The following EPHA6 variants were observed in gnomAD, a reference collection of about 807,000 sequenced individuals.
EPHA6 encodes the protein ephrin type-A receptor 6.
A neutral mutation model predicts 112.0 loss-of-function variants in EPHA6; 50 were observed. The observed-to-expected ratio is 0.45, with a 90% CI of 0.36 to 0.56. The LOEUF (loss-of-function observed/expected upper bound fraction) is 0.56. Among genes scored for constraint, EPHA6 ranks in the 20% least tolerant of loss-of-function variants. The pLI is 0.00. For synonymous variants in EPHA6, 529 were observed against 490.7 expected (o/e 1.08, Z -1.03); for missense variants, 1,280 against 1,417.4 (o/e 0.90, Z 1.56).
At chr3:96,835,067 G>C (rs759909406) in intron 1 of EPHA6, among the ~76,000 whole-genome samples, 2 of 151,982 alleles carry the variant, frequency 1.3e-5, no homozygotes, top group Non-Finnish European at 2.9e-5. Flanking sequence ...CTGACATAAT[G>C]AGTTTGAGTA....
chr3:97,245,707 G>A (rs1213553898), intron 5 of EPHA6, among the ~76,000 whole-genome samples: 1 of 151,792 alleles, frequency 6.6e-6, no homozygotes, highest in African/African-American at 2.4e-5. Flanking sequence ...GGTTGCCAGG[G>A]CTTAGAGATT....
chr3:97,741,915 G>A (rs143832887), intron 16 of EPHA6, among the ~76,000 whole-genome samples: 12 of 152,174 alleles, frequency 7.9e-5, no homozygotes, highest in African/African-American at 2.9e-4. Flanking sequence ...TAGAGAATAT[G>A]ACCTTAGTCA....
chr3:97,323,402 A>G (rs907090020), intron 5 of EPHA6, among the ~76,000 whole-genome samples: 1 of 151,988 alleles, frequency 6.6e-6, no homozygotes, highest in Non-Finnish European at 1.5e-5. Context: ...GTGAGTTATC[A>G]GTTCATAGAA....
intron 3 of EPHA6, among the ~76,000 whole-genome samples, chr3:97,018,845 G>A (rs1348690827): frequency 1.3e-5 from 2 of 152,122 alleles, no homozygotes; most frequent in Admixed American, 6.5e-5. Flanking sequence ...GCTAAGTAGC[G>A]GGTGTTTTTC....
chr3:96,847,012 A>C (rs921464885), intron 1 of EPHA6, among the ~76,000 whole-genome samples: 5 of 151,990 alleles, frequency 3.3e-5, no homozygotes, highest in Non-Finnish European at 4.4e-5. Context: ...GTCTTCCTGG[A>C]TGCTGGTTGA....
At chr3:97,486,668 C>G (rs1182591020) in intron 10 of EPHA6, among the ~76,000 whole-genome samples, 2 of 152,184 alleles carry the variant, frequency 1.3e-5, no homozygotes, top group Non-Finnish European at 2.9e-5. Context: ...CTAATTACCT[C>G]TTTAAGGTCC....
intron 3 of EPHA6, among the ~76,000 whole-genome samples, chr3:97,059,922 A>T (rs2045965877): frequency 6.6e-6 from 1 of 151,988 alleles, no homozygotes. Flanking sequence ...GGAGTTCAAG[A>T]TCAGCCTGGC....
chr3:96,849,843 A>G (rs1426114320), intron 1 of EPHA6, among the ~76,000 whole-genome samples: 40 of 152,182 alleles, frequency 2.6e-4, no homozygotes, highest in South Asian at 2.1e-4. Flanking sequence ...TAAATTTGAA[A>G]TAAATAATAA....
chr3:96,938,530 G>A (rs1280675786), intron 2 of EPHA6, among the ~76,000 whole-genome samples: 4 of 152,096 alleles, frequency 2.6e-5, no homozygotes, highest in Non-Finnish European at 4.4e-5. Flanking sequence ...GGATTTTCTA[G>A]ATATACAATC....
At chr3:96,821,197 A>G (rs527792188) in intron 1 of EPHA6, among the ~76,000 whole-genome samples, 1 of 152,016 alleles carries the variant, frequency 6.6e-6, no homozygotes, top group South Asian at 2.1e-4. Flanking sequence ...TCAATTACTG[A>G]TTATTTTGAG....
intron 6 of EPHA6, among the ~76,000 whole-genome samples, chr3:97,427,018 A>G (rs1164050216): frequency 1.3e-5 from 2 of 152,232 alleles, no homozygotes; most frequent in African/African-American, 4.8e-5. Flanking sequence ...CAGAATGGTT[A>G]TTATTAAAAA....
At chr3:97,214,038 T>A (rs6777184) in intron 3 of EPHA6, among the ~76,000 whole-genome samples, 7,940 of 77,420 alleles carry the variant, frequency 0.1, 376 homozygotes, top group African/African-American at 0.14. Flanking sequence ...TGTGTGTGTG[T>A]GAGAGAGAGA....
intron 10 of EPHA6, among the ~76,000 whole-genome samples, chr3:97,496,097 C>T (rs531140256): frequency 6.6e-6 from 1 of 152,208 alleles, no homozygotes; most frequent in Admixed American, 6.5e-5. Context: ...TCTCTTATTG[C>T]TTTCATGGTG....
chr3:97,344,581 C>T (rs747645137), intron 5 of EPHA6, among the ~76,000 whole-genome samples: 4 of 152,278 alleles, frequency 2.6e-5, no homozygotes, highest in Non-Finnish European at 2.9e-5. Context: ...AATGCCTTGA[C>T]CTCAGACTTA....
intron 2 of EPHA6, among the ~76,000 whole-genome samples, chr3:96,967,031 G>A (rs1034956322): frequency 5.9e-5 from 9 of 151,744 alleles, no homozygotes; most frequent in Admixed American, 2.6e-4. Flanking sequence ...CCTTGTGTAA[G>A]CATAAAACTT....
intron 1 of EPHA6, among the ~76,000 whole-genome samples, chr3:96,834,026 C>T (rs2034248694): frequency 6.6e-6 from 1 of 151,970 alleles, no homozygotes; most frequent in Non-Finnish European, 1.5e-5. Context: ...AAGATTTTAA[C>T]TATCAATTAT....
chr3:97,405,387 C>T (rs970590985), intron 6 of EPHA6, 113 bp downstream of exon 6: 20 of 901,940 alleles, frequency 2.2e-5, no homozygotes, highest in Admixed American at 3.0e-5. Flanking sequence ...CTTCTTTGGC[C>T]TAGCCTCATA....
intron 3 of EPHA6, among the ~76,000 whole-genome samples, chr3:97,149,733 G>A (rs1248463727): frequency 2.6e-5 from 4 of 151,474 alleles, no homozygotes; most frequent in African/African-American, 9.7e-5. Context: ...TAAAAATAAG[G>A]AAGAATCAAC....
intron 3 of EPHA6, among the ~76,000 whole-genome samples, chr3:97,196,675 C>T (rs2077450403): frequency 1.3e-5 from 2 of 151,442 alleles, no homozygotes; most frequent in Admixed American, 6.6e-5. Flanking sequence ...TTTGGTACTG[C>T]AGCCATATCT....
Sources: gnomAD v4.1 joint callset for allele counts (sites outside exome capture counted in the v4.1 genomes callset) on GRCh38, gnomAD v4.1.1 for gene constraint, MANE v1.5 for transcripts, NCBI Gene and HGNC (gene_info 2026-07-23, HGNC 2026-07-21) for gene names.